The following SLC41A3 variants were observed in gnomAD, a reference collection of about 807,000 sequenced individuals.
The protein encoded by SLC41A3 is SLC41A1-like 2.
A neutral mutation model predicts 45.4 loss-of-function variants in SLC41A3; 44 were observed. The ratio of observed to expected loss-of-function variants is 0.97; its 90% CI spans 0.76 to 1.25. SLC41A3 has a LOEUF of 1.25. Among genes scored for constraint, SLC41A3 ranks in the 50% most tolerant of loss-of-function variants. The pLI is 0.00. For missense variants in SLC41A3, 550 were observed against 600.6 expected (o/e 0.92, Z 0.88); for synonymous variants, 256 against 252.4 (o/e 1.01, Z -0.13).
intron 1 of SLC41A3, among the ~76,000 whole-genome samples, chr3:126,090,914 C>G (rs1291711214): frequency 6.6e-6 from 1 of 152,162 alleles, no homozygotes; most frequent in Non-Finnish European, 1.5e-5. Flanking sequence ...TTATCCCCTG[C>G]TTGTCATGGA....
chr3:126,033,464 G>T, intron 4 of SLC41A3, 143 bp downstream of exon 4: 1 of 841,322 alleles, frequency 1.2e-6, no homozygotes, highest in Non-Finnish European at 1.9e-6. Flanking sequence ...TGGTCTATTG[G>T]ATGTGGGAGG....
chr3:126,038,456 G>C (rs1942362823), intron 3 of SLC41A3, among the ~76,000 whole-genome samples: 1 of 152,250 alleles, frequency 6.6e-6, no homozygotes, highest in South Asian at 2.1e-4. Context: ...TCTCACACCA[G>C]TGTGCCCTGA....
At chr3:126,052,653 C>A (rs1943407914) in intron 2 of SLC41A3, among the ~76,000 whole-genome samples, 1 of 152,158 alleles carries the variant, frequency 6.6e-6, no homozygotes, top group Admixed American at 6.5e-5. Flanking sequence ...GTGGCACTGT[C>A]CTCCCCTCCA....
intron 1 of SLC41A3, among the ~76,000 whole-genome samples, chr3:126,069,111 C>G (rs1014930134): frequency 1.4e-5 from 2 of 141,448 alleles, no homozygotes; most frequent in Non-Finnish European, 3.1e-5. Flanking sequence ...TTACTTTTGA[C>G]AGCAAAAACT....
intron 1 of SLC41A3, among the ~76,000 whole-genome samples, chr3:126,076,813 G>C (rs754991975): frequency 6.6e-6 from 1 of 152,096 alleles, no homozygotes; most frequent in Non-Finnish European, 1.5e-5. Flanking sequence ...CCTACTTTGC[G>C]ATTTAGATCA....
At chr3:126,061,322 A>G (rs893660705) in intron 2 of SLC41A3, among the ~76,000 whole-genome samples, 3 of 152,158 alleles carry the variant, frequency 2.0e-5, no homozygotes, top group Non-Finnish European at 4.4e-5. Flanking sequence ...GGTGAAGATG[A>G]AAGACTTGTC....
intron 4 of SLC41A3, among the ~76,000 whole-genome samples, chr3:126,033,014 C>A (rs1036091714): frequency 4.6e-5 from 7 of 152,120 alleles, no homozygotes; most frequent in Non-Finnish European, 1.5e-5. Context: ...AACTTAGTGA[C>A]ACTCTGTGGC....
At chr3:126,016,966 G>C (rs1423919352) in intron 6 of SLC41A3, 91 bp from the exon 7 acceptor site, 2 of 1,525,716 alleles carry the variant, frequency 1.3e-6, no homozygotes, top group Admixed American at 4.0e-5. Flanking sequence ...AGGTGGGTGA[G>C]GACGCTCCTG....
chr3:126,007,092 CAG>C lies in SLC41A3; in HGVS notation c.1386_1387del (p.Cys463LeufsTer4). The stretch of plus-strand genomic sequence containing the variant: ...CTTCAGTAGCCAGTCAGTGAAAAAG[CAG>C]AGTGCCAGGAGGCCAGTACCGAGCA... On this transcript the variant is annotated frameshift_variant, in exon 11 of 11. Coordinates refer to ENST00000360370, the MANE Select transcript of SLC41A3 (RefSeq NM_017836.4). LOFTEE classifies it low-confidence loss of function (END_TRUNC). 6.2e-7 allele frequency: 1 copy of C among 1,614,240 alleles called. No individual in the cohort carries two copies. The highest frequency in any genetic ancestry group is 8.5e-7 in the Non-Finnish European group (1 of 1,180,046).
rs1042087184 is a variant in SLC41A3 at position 126,012,089 on chromosome 3, T to C, written c.1105+526A>G. On this transcript the variant is annotated intron_variant, in intron 9 of 10. Transcript: ENST00000360370. ...TCCTGTCCATTCAGCTCAGGCCACA[T>C]TGGCCTTTCAGTTCTTCAGACTTGC... Among the ~76,000 whole-genome samples, 8 of 152,300 alleles carry C rather than the reference T, an allele frequency of 5.3e-5. No homozygotes were observed. In the South Asian group the frequency reaches 1.0e-3, roughly 20 times the overall value.
At chr3:126,087,139 A>T (rs900313788), upstream of SLC41A3, among the ~76,000 whole-genome samples, 1 of 152,168 alleles carries the variant, frequency 6.6e-6, no homozygotes, top group African/African-American at 2.4e-5. Context: ...CCAGCCCAAG[A>T]CAGAATGATC....
At chr3:126,014,281 A>G (rs576617730) in intron 8 of SLC41A3, among the ~76,000 whole-genome samples, 4 of 152,064 alleles carry the variant, frequency 2.6e-5, no homozygotes, top group Non-Finnish European at 4.4e-5. Flanking sequence ...GGAAAAAAAA[A>G]CCTCAAATTA....
At chr3:126,058,889 A>C (rs1034622317) in intron 2 of SLC41A3, among the ~76,000 whole-genome samples, 1 of 152,104 alleles carries the variant, frequency 6.6e-6, no homozygotes, top group African/African-American at 2.4e-5. Context: ...CACATCACCC[A>C]GGCCAAACGT....
Position 126,026,941 on chromosome 3 carries a change from C to T in SLC41A3, c.454-462G>A, listed in dbSNP as rs1941404108. Among the ~76,000 whole-genome samples, 1 of 152,198 alleles carries T rather than the reference C, an allele frequency of 6.6e-6. No individual in the cohort carries two copies. Among genetic ancestry groups the T allele is most frequent in the Non-Finnish European group, 1.5e-5 (1 of 68,032 alleles). On this transcript the variant is annotated intron_variant, in intron 4 of 10. Transcript: ENST00000360370. This position sits in a 1 kb window ranked among gnomAD's most constrained non-coding sequence, Gnocchi z 4.2. ...TTGGTCTCTCCTTTGGCACCCTGCT[C>T]ACACCCTCCCCTTCCAGGCTCTGTT...
chr3:126,028,945 C>T (rs577857637), intron 4 of SLC41A3, among the ~76,000 whole-genome samples: 1 of 152,282 alleles, frequency 6.6e-6, no homozygotes, highest in African/African-American at 2.4e-5. Context: ...GCTGATTTCT[C>T]CCCTTTGAAA....
At chr3:126,047,601 T>C (rs1166702646) in intron 3 of SLC41A3, among the ~76,000 whole-genome samples, 2 of 152,082 alleles carry the variant, frequency 1.3e-5, no homozygotes, top group Non-Finnish European at 2.9e-5. Flanking sequence ...AACCCTTAAA[T>C]ATATGGTCAA....
intron 3 of SLC41A3, among the ~76,000 whole-genome samples, chr3:126,046,268 AG>A (rs1942953314): frequency 6.6e-6 from 1 of 152,310 alleles, no homozygotes; most frequent in Admixed American, 6.5e-5. Context: ...AAATAAAAAA[AG>A]TAAAAGGTGT....
chr3:126,082,836 G>A (rs1433940103), intron 1 of SLC41A3, among the ~76,000 whole-genome samples: 2 of 152,192 alleles, frequency 1.3e-5, no homozygotes, highest in East Asian at 3.9e-4. Flanking sequence ...CTGGCTGGTC[G>A]TGATTCTGGA....
chr3:126,031,097 T>C (rs998225482), intron 4 of SLC41A3, among the ~76,000 whole-genome samples: 25 of 152,224 alleles, frequency 1.6e-4, no homozygotes, highest in Admixed American at 6.5e-4. Context: ...CTTTTTATGT[T>C]TAAACAATAC....
Sources: gnomAD v4.1 joint callset for allele counts (sites outside exome capture counted in the v4.1 genomes callset) on GRCh38, gnomAD v4.1.1 for gene constraint, Gnocchi (gnomAD v3.1) non-coding constraint, MANE v1.5 for transcripts, NCBI Gene and HGNC (gene_info 2026-07-23, HGNC 2026-07-21) for gene names.